The following SCARB1 variants were observed in gnomAD, a reference collection of about 807,000 sequenced individuals.
SCARB1 encodes scavenger receptor class B member 1.
Under a neutral mutation model 57.2 loss-of-function variants are expected in SCARB1, and 30 were observed. That is an observed-to-expected ratio of 0.52 (90% CI 0.39 to 0.71). The LOEUF (loss-of-function observed/expected upper bound fraction) is 0.71. Among genes scored for constraint, SCARB1 ranks in the 30% least tolerant of loss-of-function variants. SCARB1 has a pLI of 0.00. For synonymous variants in SCARB1, 249 were observed against 268.3 expected, an observed-to-expected ratio of 0.93 and a Z score of 0.70; for missense variants, 543 against 671.2, an observed-to-expected ratio of 0.81 and a Z score of 2.11.
chr12:124,785,847 G>A (rs529209549), intron 11 of SCARB1: 17 of 522,762 alleles, frequency 3.3e-5, no homozygotes, highest in Middle Eastern at 4.8e-4. Context: ...AACCTCACAC[G>A]TGGCTCACGC....
chr12:124,817,675 G>A lies in SCARB1; in HGVS notation c.159C>T (p.Phe53=), dbSNP rs768958904. The change falls in exon 2 of 13, where the codon TTC becomes TTT. Residue 53 remains phenylalanine, a synonymous_variant. Coordinates refer to ENST00000261693, the MANE Select transcript of SCARB1 (RefSeq NM_005505.5). The surrounding 1 kb of genome is among the most constrained non-coding windows in gnomAD (Gnocchi z 4.8). ...GGATAGGGATCTCCTTCCACATGTT[G>A]AAGGACAGGCTACTGGGGTCGATGC... The part of the protein sequence containing the change: ...NVRIDPSSLS[F]NMWKEIPIPF... The A allele has an allele frequency of 6.2e-7, 1 of 1,614,210 alleles. No homozygotes were observed. Among genetic ancestry groups the A allele is most frequent in the Non-Finnish European group, 8.5e-7 (1 of 1,180,022 alleles).
chr12:124,852,044 C>T (rs973493410), intron 1 of SCARB1, among the ~76,000 whole-genome samples: 37 of 152,132 alleles, frequency 2.4e-4, no homozygotes, highest in African/African-American at 8.4e-4. Context: ...ACCAAGATGC[C>T]AACAGGAGGA....
intron 9 of SCARB1, among the ~76,000 whole-genome samples, chr12:124,793,121 G>C (rs1949790316): frequency 6.6e-6 from 1 of 152,160 alleles, no homozygotes; most frequent in Non-Finnish European, 1.5e-5. Context: ...TGAAGGAAGA[G>C]AGCTCACAGT....
chr12:124,839,577 C>T (rs571046920), intron 1 of SCARB1: 3 of 978,334 alleles, frequency 3.1e-6, no homozygotes, highest in Admixed American at 6.1e-5. Flanking sequence ...TGGGGTTGCC[C>T]CACCATATGG....
At chr12:124,787,298 T>C in intron 10 of SCARB1, 108 bp downstream of exon 10, 1 of 996,882 alleles carries the variant, frequency 1.0e-6, no homozygotes, top group Admixed American at 2.0e-5. Flanking sequence ...CCGGTTACCC[T>C]GGCTCAGCCC....
chr12:124,831,773 C>G (rs1438249199), intron 1 of SCARB1, among the ~76,000 whole-genome samples: 1 of 152,234 alleles, frequency 6.6e-6, no homozygotes, highest in African/African-American at 2.4e-5. Flanking sequence ...GCAGCAGGGA[C>G]AGGTCATGTT....
intron 1 of SCARB1, among the ~76,000 whole-genome samples, chr12:124,854,245 G>A (rs980164396): frequency 2.8e-4 from 43 of 152,226 alleles, no homozygotes; most frequent in Non-Finnish European, 3.8e-4. Flanking sequence ...AGAGACCTAC[G>A]GGAGATGAGA....
chr12:124,859,715 A>G (rs1294063324), intron 1 of SCARB1, among the ~76,000 whole-genome samples: 1 of 152,190 alleles, frequency 6.6e-6, no homozygotes, highest in African/African-American at 2.4e-5. Context: ...CACACCTATC[A>G]TCCCAGTGTT....
At chr12:124,795,296 T>G (rs373880743) in intron 8 of SCARB1, 28 bp from the exon 9 acceptor site, 1 of 1,593,732 alleles carries the variant, frequency 6.3e-7, no homozygotes, top group Non-Finnish European at 8.6e-7. Flanking sequence ...GTGAGGAGAC[T>G]GGCCACCCCC....
chr12:124,862,677 A>G (rs1952946024), intron 1 of SCARB1, among the ~76,000 whole-genome samples: 1 of 95,396 alleles, frequency 1.0e-5, no homozygotes, highest in Admixed American at 1.3e-4. Context: ...CCTCCCCGCC[A>G]CTGCATGTGT....
In SCARB1 at chr12:124,838,775, C is replaced by CTTTTTTTTTTTT. The variant is rs1174317110; in HGVS notation, c.127-21080_127-21069dup. Among the ~76,000 whole-genome samples the CTTTTTTTTTTTT allele has an allele frequency of 1.7e-5, 2 of 117,302 alleles. 1 individual carries two copies. The highest frequency in any genetic ancestry group is 3.4e-5 in the Non-Finnish European group (2 of 59,432). The allele number at this position is 117,302 out of a possible 152,430, so 77.0% of individuals were successfully genotyped here. A position where few individuals can be genotyped will look rare whatever the true frequency, so the allele number is the denominator to read the frequency against. The stretch of plus-strand genomic sequence containing the variant: ...TAAACATAAAATTTACCAACTTAGC[C>CTTTTTTTTTTTT]TTTTTTTTTTTTTTTTTTGAGATGG... On this transcript the variant is annotated intron_variant, in intron 1 of 12. Coordinates refer to ENST00000261693, the MANE Select transcript of SCARB1 (RefSeq NM_005505.5).
At chr12:124,854,940 G>A (rs1157402665) in intron 1 of SCARB1, among the ~76,000 whole-genome samples, 1 of 152,148 alleles carries the variant, frequency 6.6e-6, no homozygotes, top group Non-Finnish European at 1.5e-5. Context: ...TCAGGACAGA[G>A]ATGCCATTCA....
chr12:124,849,034 C>T (rs1952282847), intron 1 of SCARB1, among the ~76,000 whole-genome samples: 1 of 152,208 alleles, frequency 6.6e-6, no homozygotes, highest in Non-Finnish European at 1.5e-5. Context: ...ATGTAGGAGA[C>T]ACTTTTATTA....
Position 124,796,437 on chromosome 12 carries a change from CAT to C in SCARB1, c.1129-1171_1129-1170del, listed in dbSNP as rs370713808. Among the ~76,000 whole-genome samples, 110 of 152,186 alleles carry C rather than the reference CAT, an allele frequency of 7.2e-4. No individual in the cohort carries two copies. The highest frequency in any genetic ancestry group is 3.4e-3 in the Middle Eastern group (1 of 294). The stretch of plus-strand genomic sequence containing the variant: ...TTAAGTAAATAACCGAAGTGACACA[CAT>C]GTGTCATCAAAAACAACAGGAAGGT... On this transcript the variant is annotated intron_variant, in intron 8 of 12. Coordinates refer to ENST00000261693, the MANE Select transcript of SCARB1 (RefSeq NM_005505.5). This position sits in a 1 kb window ranked among gnomAD's most constrained non-coding sequence, Gnocchi z 4.0.
chr12:124,794,400 C>A (rs377038698), intron 9 of SCARB1, among the ~76,000 whole-genome samples: 1 of 119,910 alleles, frequency 8.3e-6, no homozygotes, highest in Non-Finnish European at 1.6e-5. Context: ...TTGAAAAATT[C>A]TTTTTTTTTT....
chr12:124,786,287 C>T (rs1949515116), intron 11 of SCARB1, 70 bp downstream of exon 11: 1 of 1,604,748 alleles, frequency 6.2e-7, no homozygotes, highest in African/African-American at 1.3e-5. Flanking sequence ...AGGGTCCGAT[C>T]TGAGGCCCCT....
chr12:124,863,713 C>A lies in SCARB1; in HGVS notation c.8G>T (p.Cys3Phe), dbSNP rs773259311. 6.6e-7 allele frequency: 1 copy of A among 1,503,798 alleles called. No homozygotes were observed. The highest frequency in any genetic ancestry group is 8.9e-7 in the Non-Finnish European group (1 of 1,124,958). The allele number at this position is 1,503,798 out of a possible 1,614,324, so 93.2% of individuals were successfully genotyped here. Reference protein sequence around the residue: MGCSAKARWAAGA... With the variant: MGFSAKARWAAGA... The stretch of plus-strand genomic sequence containing the variant: ...GGCAGCCCAGCGCGCTTTGGCGGAG[C>A]AGCCCATGTCTGCGCGCCTGGGGCC... The change falls in exon 1 of 13, where the codon TGC becomes TTC. Residue 3 changes from cysteine to phenylalanine, a missense_variant. Cys to Phe is a radical substitution (Grantham distance 205). Transcript: ENST00000261693.
chr12:124,808,107 C>T lies in SCARB1; in HGVS notation c.843-180G>A, dbSNP rs61762483. 6.2e-3 allele frequency among the ~76,000 whole-genome samples: 943 copies of T among 152,254 alleles called. 7 individuals carry two copies. The highest frequency in any genetic ancestry group is 0.023 in the Admixed American group (359 of 15,284). On this transcript the variant is annotated intron_variant, in intron 6 of 12. Transcript: ENST00000261693. ...GACCTCCTAACAGGCCTCTCCGCTC[C>T]GACTCTGCCTCCCCACCCACATCAA...
chr12:124,825,647 G>T (rs1951128499), intron 1 of SCARB1, among the ~76,000 whole-genome samples: 1 of 152,066 alleles, frequency 6.6e-6, no homozygotes, highest in African/African-American at 2.4e-5. Context: ...CTCCAACCTG[G>T]GTGACAGAGC....
Sources: allele counts gnomAD v4.1 joint callset (sites outside exome capture counted in the v4.1 genomes callset), GRCh38; gene constraint gnomAD v4.1.1; non-coding constraint Gnocchi (gnomAD v3.1); transcripts MANE v1.5; gene names NCBI Gene and HGNC (gene_info 2026-07-23, HGNC 2026-07-21).